TUSC3: variants seen among roughly 807,000 people sequenced by gnomAD.
TUSC3 encodes the protein dolichyl-diphosphooligosaccharide--protein glycosyltransferase subunit TUSC3.
Under a neutral mutation model 44.8 loss-of-function variants are expected in TUSC3, and 45 were observed. That is an observed-to-expected ratio of 1.00 (90% CI 0.79 to 1.29). The LOEUF is 1.29. Among genes scored for constraint, TUSC3 ranks in the 50% most tolerant of loss-of-function variants. The pLI, the probability that TUSC3 is intolerant of heterozygous loss-of-function variation, is 0.00. For missense variants in TUSC3, 519 were observed against 437.9 expected (o/e 1.19, Z -1.65); for synonymous variants, 212 against 152.9 (o/e 1.39, Z -2.85).
chr8:15,751,738 C>G (rs529057085), intron 9 of TUSC3, among the ~76,000 whole-genome samples: 1 of 152,280 alleles, frequency 6.6e-6, no homozygotes, highest in East Asian at 1.9e-4. Context: ...GTATTTAATT[C>G]AGTTCATGTA....
intron 3 of TUSC3, among the ~76,000 whole-genome samples, chr8:15,657,009 C>T (rs773340938): frequency 5.3e-5 from 8 of 152,242 alleles, no homozygotes; most frequent in African/African-American, 1.9e-4. Flanking sequence ...AGTGGACACC[C>T]CAAGTGGCTC....
intron 9 of TUSC3, among the ~76,000 whole-genome samples, chr8:15,752,620 GATGAGACCAAGAGAGTATCTTTATT>G (rs1554487867): frequency 1.3e-5 from 2 of 151,976 alleles, no homozygotes; most frequent in Non-Finnish European, 1.5e-5. Flanking sequence ...TCATTTTATA[GATGAGACCAAGAGAGTATCTTTATT>G]TTATGACAGA....
intron 6 of TUSC3, among the ~76,000 whole-genome samples, chr8:15,722,669 C>T (rs970676583): frequency 6.6e-6 from 1 of 152,066 alleles, no homozygotes; most frequent in East Asian, 1.9e-4. Flanking sequence ...TGCTTGGGTG[C>T]AACTTGCCAC....
the TUSC3 span, among the ~76,000 whole-genome samples, chr8:15,797,448 A>T: frequency 6.6e-6 from 1 of 152,126 alleles, no homozygotes; most frequent in African/African-American, 2.4e-5. Context: ...TTCCATAAAA[A>T]ACTTTACTTG....
the TUSC3 span, among the ~76,000 whole-genome samples, chr8:15,792,635 A>T: frequency 6.6e-6 from 1 of 151,842 alleles, no homozygotes; most frequent in African/African-American, 2.4e-5. Context: ...TTTCTTTTTG[A>T]GACAGAGCCC....
At chr8:15,785,287 T>C in the TUSC3 span, among the ~76,000 whole-genome samples, 3 of 131,186 alleles carry the variant, frequency 2.3e-5, no homozygotes, top group African/African-American at 9.5e-5. Context: ...AATAAAAATC[T>C]TCTTCACTTT....
chr8:15,547,789 C>A (rs1356802414), intron 1 of TUSC3, among the ~76,000 whole-genome samples: 1 of 151,222 alleles, frequency 6.6e-6, no homozygotes, highest in Non-Finnish European at 1.5e-5. Context: ...GAGGAAGTGC[C>A]CTTTCCATTG....
chr8:15,756,041 C>A (rs557084432), intron 9 of TUSC3, among the ~76,000 whole-genome samples: 1 of 152,110 alleles, frequency 6.6e-6, no homozygotes, highest in African/African-American at 2.4e-5. Context: ...TGCTTCCTAA[C>A]TGTTCATTAG....
chr8:15,789,251 T>A, the TUSC3 span, among the ~76,000 whole-genome samples: 3 of 152,176 alleles, frequency 2.0e-5, no homozygotes, highest in Non-Finnish European at 4.4e-5. Context: ...ATCTCAGCAG[T>A]TGCTTGCAAT....
chr8:15,644,211 A>C (rs1182137479), intron 2 of TUSC3, among the ~76,000 whole-genome samples: 1 of 152,196 alleles, frequency 6.6e-6, no homozygotes, highest in African/African-American at 2.4e-5. Context: ...GAGAAGATTT[A>C]CTATAACACA....
chr8:15,728,714 C>T (rs1034026210), intron 6 of TUSC3, among the ~76,000 whole-genome samples: 4 of 152,124 alleles, frequency 2.6e-5, no homozygotes, highest in Non-Finnish European at 2.9e-5. Flanking sequence ...TCAATATAGA[C>T]ATAATTAAAG....
the TUSC3 span, among the ~76,000 whole-genome samples, chr8:15,846,741 A>T: frequency 1.3e-5 from 2 of 152,164 alleles, no homozygotes; most frequent in Non-Finnish European, 2.9e-5. Context: ...CTAGGGGAGG[A>T]ATAGCGTTAG....
intron 1 of TUSC3, among the ~76,000 whole-genome samples, chr8:15,432,668 C>G (rs551600409): frequency 6.6e-6 from 1 of 151,982 alleles, no homozygotes; most frequent in African/African-American, 2.4e-5. Context: ...CTCTGTAGTG[C>G]TATGGTTATG....
At chr8:15,485,276 A>G (rs1467412604) in intron 2 of TUSC3, among the ~76,000 whole-genome samples, 1 of 152,062 alleles carries the variant, frequency 6.6e-6, no homozygotes, top group Non-Finnish European at 1.5e-5. Context: ...CTTCTTCTAT[A>G]ATTCCACCTG....
Position 15,442,791 on chromosome 8 carries a change from G to A in TUSC3, n.91+25486G>A, listed in dbSNP as rs527806444. Among the ~76,000 whole-genome samples, 5 of 152,206 alleles carry A rather than the reference G, an allele frequency of 3.3e-5. No individual in the cohort carries two copies. The East Asian group carries it at 7.8e-4, about 24-fold the overall frequency. On this transcript the variant is annotated intron_variant and non_coding_transcript_variant, in intron 1 of 5. Transcript: ENST00000503191. Reference sequence around the variant, plus strand: ...TTCCTCCTTGACCAAACTTTAGTCAGGCTCCTCTGAGTCCTCTTCCCTACT... The same window carrying A: ...TTCCTCCTTGACCAAACTTTAGTCAAGCTCCTCTGAGTCCTCTTCCCTACT...
chr8:15,751,903 T>C (rs978381120), intron 9 of TUSC3, among the ~76,000 whole-genome samples: 2 of 152,162 alleles, frequency 1.3e-5, no homozygotes, highest in Non-Finnish European at 2.9e-5. Flanking sequence ...AAATCTGATA[T>C]AACCATTTTA....
intron 8 of TUSC3, among the ~76,000 whole-genome samples, chr8:15,744,335 G>A (rs1477679677): frequency 2.6e-5 from 4 of 152,122 alleles, no homozygotes; most frequent in Admixed American, 2.6e-4. Context: ...AATGTGCTCT[G>A]AGGAGCAAAG....
At chr8:15,667,522 T>A (rs1807722294) in intron 5 of TUSC3, among the ~76,000 whole-genome samples, 1 of 151,746 alleles carries the variant, frequency 6.6e-6, no homozygotes, top group African/African-American at 2.4e-5. Context: ...TTTTATATTT[T>A]AAAAACATGG....
chr8:15,475,516 C>T (rs552591346), intron 1 of TUSC3, among the ~76,000 whole-genome samples: 1 of 152,110 alleles, frequency 6.6e-6, no homozygotes, highest in Non-Finnish European at 1.5e-5. Context: ...TTTTTAAATT[C>T]CCCTAGATAA....
Sources: gnomAD v4.1 joint callset for allele counts (sites outside exome capture counted in the v4.1 genomes callset) on GRCh38, gnomAD v4.1.1 for gene constraint, MANE v1.5 for transcripts, NCBI Gene and HGNC (gene_info 2026-07-23, HGNC 2026-07-21) for gene names.